The following PTPRN2 variants were observed in gnomAD, a reference collection of about 807,000 sequenced individuals.
PTPRN2 encodes protein tyrosine phosphatase receptor type N2.
A neutral mutation model predicts 118.8 loss-of-function variants in PTPRN2; 74 were observed. That is an observed-to-expected ratio of 0.62 (90% confidence interval 0.52 to 0.76). The LOEUF (loss-of-function observed/expected upper bound fraction) is 0.76. Among genes scored for constraint, PTPRN2 ranks in the 30% least tolerant of loss-of-function variants. The probability of loss-of-function intolerance (pLI) is 0.00; values close to 1 mark genes in which losing one functional copy is unlikely to be tolerated. For synonymous variants in PTPRN2, 641 were observed against 608.0 expected (o/e 1.05, Z -0.80); for missense variants, 1,481 against 1,394.4 (o/e 1.06, Z -0.99).
intron 2 of PTPRN2, among the ~76,000 whole-genome samples, chr7:158,403,410 C>T (rs1404342916): frequency 6.6e-6 from 1 of 152,240 alleles, no homozygotes; most frequent in Non-Finnish European, 1.5e-5. Flanking sequence ...GCAGGCCCCA[C>T]CCCAGCAACC....
chr7:157,664,836 C>G (rs903253329), intron 13 of PTPRN2, among the ~76,000 whole-genome samples: 2 of 152,220 alleles, frequency 1.3e-5, no homozygotes, highest in Non-Finnish European at 2.9e-5. Flanking sequence ...AAAGCAAAAT[C>G]AACAACATGA....
At chr7:158,430,758 C>T (rs1389106917) in intron 2 of PTPRN2, among the ~76,000 whole-genome samples, 4 of 152,374 alleles carry the variant, frequency 2.6e-5, no homozygotes, top group South Asian at 2.1e-4. Flanking sequence ...ACAGACACAA[C>T]TCCCATGACA....
At chr7:158,252,817 C>A (rs1220518670) in intron 3 of PTPRN2, among the ~76,000 whole-genome samples, 1 of 152,164 alleles carries the variant, frequency 6.6e-6, no homozygotes, top group Non-Finnish European at 1.5e-5. Context: ...CAAATCCAAT[C>A]CTCCCCAACA....
At chr7:158,487,392 G>C (rs1821105995) in intron 2 of PTPRN2, among the ~76,000 whole-genome samples, 1 of 152,168 alleles carries the variant, frequency 6.6e-6, no homozygotes, top group Admixed American at 6.5e-5. Context: ...ATTCCCATCA[G>C]CAGCGCACAA....
intron 3 of PTPRN2, among the ~76,000 whole-genome samples, chr7:158,236,339 G>C (rs139818895): frequency 6.6e-6 from 1 of 152,144 alleles, no homozygotes; most frequent in Non-Finnish European, 1.5e-5. Flanking sequence ...AGGTAGGGCC[G>C]CTTGTGCTCC....
At chr7:157,841,166 C>T (rs566215687) in intron 12 of PTPRN2, among the ~76,000 whole-genome samples, 43 of 152,334 alleles carry the variant, frequency 2.8e-4, no homozygotes, top group Admixed American at 9.2e-4. Context: ...ACAGTTCATG[C>T]GCTGGCCACG....
chr7:158,132,663 T>G (rs924535265), intron 9 of PTPRN2, among the ~76,000 whole-genome samples: 9 of 148,420 alleles, frequency 6.1e-5, no homozygotes, highest in African/African-American at 2.3e-4. Flanking sequence ...CCCTACACAC[T>G]CATATACACA....
intron 11 of PTPRN2, among the ~76,000 whole-genome samples, chr7:157,904,602 G>C (rs1053526284): frequency 6.6e-6 from 1 of 152,274 alleles, no homozygotes; most frequent in Non-Finnish European, 1.5e-5. Flanking sequence ...AGATTGCTGA[G>C]TGCTTTTCGG....
At chr7:158,097,666 G>A (rs1483643289) in intron 10 of PTPRN2, among the ~76,000 whole-genome samples, 3 of 152,124 alleles carry the variant, frequency 2.0e-5, no homozygotes, top group Non-Finnish European at 2.9e-5. Context: ...GCCTGGCATC[G>A]ATCACCGCCG....
chr7:158,299,533 T>C (rs1480401324), intron 3 of PTPRN2, among the ~76,000 whole-genome samples: 1 of 152,164 alleles, frequency 6.6e-6, no homozygotes, highest in African/African-American at 2.4e-5. Context: ...CCTGACCTCT[T>C]GATCCGCTGG....
Position 158,503,657 on chromosome 7 carries a change from G to A in PTPRN2, c.113-13872C>T, listed in dbSNP as rs552418225. Among the ~76,000 whole-genome samples, 10 of 152,328 alleles carry A rather than the reference G, an allele frequency of 6.6e-5. No individual in the cohort carries two copies. The South Asian group carries it at 1.9e-3, about 28-fold the overall frequency. ...ACAAAAAGTTACAGATATTAGTCATGTTACCATGGACAAATCACTCACTCT... is the reference window on the plus strand; with the variant it reads ...ACAAAAAGTTACAGATATTAGTCATATTACCATGGACAAATCACTCACTCT... On this transcript the variant is annotated intron_variant, in intron 1 of 22. Coordinates refer to ENST00000389418, the MANE Select transcript of PTPRN2 (RefSeq NM_002847.5).
At chr7:158,064,491 G>T (rs1278795575) in intron 11 of PTPRN2, among the ~76,000 whole-genome samples, 1 of 152,166 alleles carries the variant, frequency 6.6e-6, no homozygotes, top group African/African-American at 2.4e-5. Flanking sequence ...GCGCTGTGAG[G>T]TTGCTTGGAC....
intron 4 of PTPRN2, among the ~76,000 whole-genome samples, chr7:158,199,876 C>T (rs986829842): frequency 2.0e-5 from 3 of 152,142 alleles, no homozygotes; most frequent in African/African-American, 7.2e-5. Flanking sequence ...AAAGCCAACA[C>T]GGTTCCTTAT....
chr7:158,124,944 G>A (rs1444089584), intron 9 of PTPRN2, among the ~76,000 whole-genome samples: 7 of 152,250 alleles, frequency 4.6e-5, no homozygotes, highest in Admixed American at 1.3e-4. Flanking sequence ...GCGCAAGAGA[G>A]AAGGCCCCGC....
At chr7:158,477,077 T>C (rs571093642) in intron 2 of PTPRN2, among the ~76,000 whole-genome samples, 49 of 152,364 alleles carry the variant, frequency 3.2e-4, no homozygotes, top group African/African-American at 9.9e-4. Flanking sequence ...GTTTTATTCA[T>C]TGGAATTTGG....
At chr7:158,249,110 C>G (rs1363732053) in intron 3 of PTPRN2, among the ~76,000 whole-genome samples, 3 of 151,772 alleles carry the variant, frequency 2.0e-5, no homozygotes, top group Non-Finnish European at 4.4e-5. Flanking sequence ...ATCACACACA[C>G]ACATGAACAT....
chr7:157,880,373 A>G (rs995074292), intron 12 of PTPRN2, among the ~76,000 whole-genome samples: 6 of 152,264 alleles, frequency 3.9e-5, no homozygotes, highest in Non-Finnish European at 7.3e-5. Flanking sequence ...GGAAAAGACA[A>G]CACTGCCAAA....
At position 157,839,053 on chromosome 7, in the gene PTPRN2, G is replaced by A. The variant is rs562827536; in HGVS notation, c.1788+59620C>T. Among the ~76,000 whole-genome samples the A allele has an allele frequency of 1.0e-3, 156 of 150,548 alleles. 1 individual carries two copies. Among genetic ancestry groups the A allele is most frequent in the South Asian group, 6.4e-3 (30 of 4,718 alleles). On this transcript the variant is annotated intron_variant, in intron 12 of 22. Coordinates refer to ENST00000389418, the MANE Select transcript of PTPRN2 (RefSeq NM_002847.5). The stretch of plus-strand genomic sequence containing the variant: ...ATGGCACGGGAGAAAGCTCCTCTCC[G>A]CCGTGGCTACTCCAGTTCCTCTCGT...
At chr7:158,182,177 C>T (rs575077797) in intron 5 of PTPRN2, among the ~76,000 whole-genome samples, 1 of 152,284 alleles carries the variant, frequency 6.6e-6, no homozygotes, top group East Asian at 1.9e-4. Context: ...ACCCAAAAAT[C>T]ATTGAGGAGC....
Sources: allele counts gnomAD v4.1 joint callset (sites outside exome capture counted in the v4.1 genomes callset), GRCh38; gene constraint gnomAD v4.1.1; transcripts MANE v1.5; gene names NCBI Gene and HGNC (gene_info 2026-07-23, HGNC 2026-07-21).